The following CASTOR2 variants were observed in gnomAD, a reference collection of about 807,000 sequenced individuals.
CASTOR2 encodes cytosolic arginine sensor for mTORC1 subunit 2.
CASTOR2 carries 8 observed loss-of-function variants against 31.2 expected under a neutral mutation model. That is an observed-to-expected ratio of 0.26 (90% CI 0.15 to 0.46). The LOEUF (loss-of-function observed/expected upper bound fraction) is 0.46, where lower values mean the gene tolerates loss of function less well. Among genes scored for constraint, CASTOR2 ranks in the 20% least tolerant of loss-of-function variants. The pLI is 0.99. For synonymous variants in CASTOR2, 162 were observed against 158.7 expected, an observed-to-expected ratio of 1.02 and a Z score of -0.16; for missense variants, 216 against 382.1, an observed-to-expected ratio of 0.57 and a Z score of 3.62.
chr7:75,024,879 C>T lies in CASTOR2; in HGVS notation c.*180C>T, dbSNP rs1805085347. On this transcript the variant is annotated 3_prime_UTR_variant, in exon 9 of 9. Transcript: ENST00000616305. Reference sequence around the variant, plus strand: ...GGCAGGGGCCCACGCCAAGGCCTCTCCATGCCCTCCTGCCTTCCCGGAGCC... The same window carrying T: ...GGCAGGGGCCCACGCCAAGGCCTCTTCATGCCCTCCTGCCTTCCCGGAGCC... 3.5e-6 allele frequency: 5 copies of T among 1,448,248 alleles called. No individual in the cohort carries two copies. The highest frequency in any genetic ancestry group is 1.4e-5 in the African/African-American group (1 of 70,750). The allele number at this position is 1,448,248 out of a possible 1,614,324, so 89.7% of individuals were successfully genotyped here.
At chr7:74,990,106 G>A (rs1388059447) in intron 1 of CASTOR2, among the ~76,000 whole-genome samples, 1 of 152,096 alleles carries the variant, frequency 6.6e-6, no homozygotes, top group South Asian at 2.1e-4. Context: ...ACATGTTTTG[G>A]TGCCGGGTGC....
At position 75,024,466 on chromosome 7, in the gene CASTOR2, T is replaced by G; in HGVS notation, c.856T>G (p.Ser286Ala). The G allele has an allele frequency of 1.3e-6, 2 of 1,551,518 alleles. No homozygotes were observed. The highest frequency in any genetic ancestry group is 1.7e-6 in the Non-Finnish European group (2 of 1,146,834). Residue 286 changes from serine to alanine, a missense_variant, in exon 8 of 9, where the codon TCA (serine) becomes GCA (alanine). Physicochemically the swap from Ser to Ala is moderately conservative, Grantham distance 99. Transcript: ENST00000616305. ...TGAGTGTGGCATCGTGGCCCAGATC[T>G]CAGAGCCCTTGGCTGCTGCAGACAT... ...FDECGIVAQI[S>A]EPLAAADIPA...
rs1437823854 is a variant in CASTOR2 at position 75,018,868 on chromosome 7, G to T, written c.512-104G>T. 23 of 1,532,124 alleles carry T rather than the reference G, an allele frequency of 1.5e-5. No homozygotes were observed. In the African/African-American group the frequency reaches 2.8e-4, roughly 18 times the overall value. 94.9% of individuals were successfully genotyped at this position (1,532,124 alleles called of 1,614,324 possible). A position where few individuals can be genotyped will look rare whatever the true frequency, so the allele number is the denominator to read the frequency against. ...AGCAGCGGTGAATGAGTCTCTTGGG[G>T]CCTGCAGCTGAGCCCTCCCCAGCCC... is the stretch of plus-strand genomic sequence containing the variant. On this transcript the variant is annotated intron_variant, in intron 4 of 8. Transcript: ENST00000616305.
Position 75,026,360 on chromosome 7 carries a change from T to C in CASTOR2, c.*1661T>C, listed in dbSNP as rs1288498531. Among the ~76,000 whole-genome samples the C allele has an allele frequency of 6.6e-6, 1 of 151,986 alleles. No homozygotes were observed. Among genetic ancestry groups the C allele is most frequent in the East Asian group, 1.9e-4 (1 of 5,164 alleles). Reference sequence around the variant, plus strand: ...ACGCACCACCACGTCTGGCTAGTTATTGTATTTTTTAATAGAGACGGGATT... The same window carrying C: ...ACGCACCACCACGTCTGGCTAGTTACTGTATTTTTTAATAGAGACGGGATT... On this transcript the variant is annotated 3_prime_UTR_variant, in exon 9 of 9. Coordinates refer to ENST00000616305, the MANE Select transcript of CASTOR2 (RefSeq NM_001145064.3).
Position 75,024,660 on chromosome 7 carries a change from C to A in CASTOR2, c.951C>A (p.Val317=). The change falls in exon 9 of 9, where the codon GTC becomes GTA. Residue 317 remains valine (V), a synonymous_variant. Coordinates refer to ENST00000616305, the MANE Select transcript of CASTOR2 (RefSeq NM_001145064.3). ...TCCCCGAAGAGAACATCAATGGTGT[C>A]ATCAGTGCCCTGAAGGTCAGCCAAG... ...ALVPEENING[V]ISALKVSQAE... The A allele has an allele frequency of 6.4e-7, 1 of 1,551,646 alleles. No individual in the cohort carries two copies. The highest frequency in any genetic ancestry group is 8.7e-7 in the Non-Finnish European group (1 of 1,146,862).
At chr7:75,018,863 T>C in intron 4 of CASTOR2, 109 bp from the exon 5 acceptor site, 1 of 1,524,742 alleles carries the variant, frequency 6.6e-7, no homozygotes, top group Middle Eastern at 1.9e-4. Flanking sequence ...AATGAGTCTC[T>C]TGGGGCCTGC....
At chr7:75,016,401 T>G (rs1804864480) in intron 2 of CASTOR2, among the ~76,000 whole-genome samples, 1 of 152,166 alleles carries the variant, frequency 6.6e-6, no homozygotes, top group African/African-American at 2.4e-5. Context: ...CCAAAGCCAA[T>G]GCCAGCCCCT....
chr7:75,026,189 G>GTTTTTTTTTTTTTTTTTTTT lies in CASTOR2; in HGVS notation c.*1507_*1508insTTTTTTTTTTTTTTTTTTTT, dbSNP rs879121750. Among the ~76,000 whole-genome samples, 303 of 117,672 alleles carry GTTTTTTTTTTTTTTTTTTTT rather than the reference G, an allele frequency of 2.6e-3. 13 individuals are homozygous for GTTTTTTTTTTTTTTTTTTTT. The highest frequency in any genetic ancestry group is 5.6e-3 in the African/African-American group (172 of 30,782). The allele number at this position is 117,672 out of a possible 152,430, so 77.2% of individuals were successfully genotyped here. A position where few individuals can be genotyped will look rare whatever the true frequency, so the allele number is the denominator to read the frequency against. On this transcript the variant is annotated 3_prime_UTR_variant, in exon 9 of 9. Coordinates refer to ENST00000616305, the MANE Select transcript of CASTOR2 (RefSeq NM_001145064.3). Reference sequence around the variant, plus strand: ...CCCTGTGGTTTTGGCTCTGGCGGGGGTTTTTTTTTTTTTTTTTGAGATGGG... The same window carrying GTTTTTTTTTTTTTTTTTTTT: ...CCCTGTGGTTTTGGCTCTGGCGGGGGTTTTTTTTTTTTTTTTTTTTTTTTTTTTTTTTTTTTTGAGATGGG...
At position 75,007,990 on chromosome 7, in the gene CASTOR2, C is replaced by G; in HGVS notation, c.114-4C>G. On this transcript the variant is annotated splice_polypyrimidine_tract_variant and splice_region_variant and intron_variant, in intron 1 of 8. Coordinates refer to ENST00000616305, the MANE Select transcript of CASTOR2 (RefSeq NM_001145064.3). Reference sequence around the variant, plus strand: ...AGATATTCTGTGTCTGTCCATCCATCCAGGTGCAAGTTCTTCAGTCTGACT... The same window carrying G: ...AGATATTCTGTGTCTGTCCATCCATGCAGGTGCAAGTTCTTCAGTCTGACT... 1 of 1,613,926 alleles carries G rather than the reference C, an allele frequency of 6.2e-7. No individual in the cohort carries two copies. Among genetic ancestry groups the G allele is most frequent in the Non-Finnish European group, 8.5e-7 (1 of 1,179,854 alleles).
rs1205929204 is a variant in CASTOR2 at position 74,988,688 on chromosome 7, T to C, written c.114-19306T>C. ...ACGTACTTATTGATCCTGCTTTTAC[T>C]TTATGTTTGTTTATCATTTGAATAA... On this transcript the variant is annotated intron_variant, in intron 1 of 8. Coordinates refer to ENST00000616305, the MANE Select transcript of CASTOR2 (RefSeq NM_001145064.3). Among the ~76,000 whole-genome samples, 350 of 152,238 alleles carry C rather than the reference T, an allele frequency of 2.3e-3. 1 individual carries two copies. Among genetic ancestry groups the C allele is most frequent in the Middle Eastern group, 0.014 (4 of 294 alleles).
At chr7:75,000,754 G>A (rs1180027598) in intron 1 of CASTOR2, among the ~76,000 whole-genome samples, 25 of 151,842 alleles carry the variant, frequency 1.6e-4, no homozygotes, top group Admixed American at 1.3e-4. Flanking sequence ...CACCTCCCCG[G>A]TTCAAGCAAT....
chr7:74,995,384 A>G (rs1804316770), intron 1 of CASTOR2, among the ~76,000 whole-genome samples: 1 of 151,694 alleles, frequency 6.6e-6, no homozygotes, highest in Non-Finnish European at 1.5e-5. Flanking sequence ...GGTCGGGCAC[A>G]GTGGCTGACA....
chr7:74,997,940 C>T (rs71558565), intron 1 of CASTOR2, among the ~76,000 whole-genome samples: 100,633 of 151,908 alleles, frequency 0.66, 35,946 homozygotes, highest in East Asian at 0.93. Flanking sequence ...TGCTGATGGG[C>T]GTCTGGGCTG....
intron 1 of CASTOR2, among the ~76,000 whole-genome samples, chr7:74,988,225 G>T (rs1480185566): frequency 6.6e-6 from 1 of 150,430 alleles, no homozygotes; most frequent in Non-Finnish European, 1.5e-5. Flanking sequence ...TGCCTCCCGG[G>T]TCAAGCAATT....
intron 1 of CASTOR2, among the ~76,000 whole-genome samples, chr7:75,004,402 C>T (rs1230690090): frequency 6.6e-6 from 1 of 151,544 alleles, no homozygotes; most frequent in Non-Finnish European, 1.5e-5. Flanking sequence ...GAATGCCTTA[C>T]GCCCCTCCCA....
intron 1 of CASTOR2, among the ~76,000 whole-genome samples, chr7:74,997,955 C>G (rs1445757797): frequency 6.6e-6 from 1 of 151,980 alleles, no homozygotes; most frequent in Non-Finnish European, 1.5e-5. Flanking sequence ...GGGCTGTGGC[C>G]AGGTTTTTGT....
In CASTOR2 at chr7:75,025,692, G is replaced by A. The variant is rs1023224494; in HGVS notation, c.*993G>A. On this transcript the variant is annotated 3_prime_UTR_variant, in exon 9 of 9. Coordinates refer to ENST00000616305, the MANE Select transcript of CASTOR2 (RefSeq NM_001145064.3). ...CATTCATGAGTACTTGACCCAGGAG[G>A]CAGCTTAACTGAGCCTTAATAGAGA... Among the ~76,000 whole-genome samples the A allele has an allele frequency of 3.9e-5, 6 of 152,258 alleles. No homozygotes were observed. Among genetic ancestry groups the A allele is most frequent in the Non-Finnish European group, 2.9e-5 (2 of 68,048 alleles).
At chr7:74,986,611 G>A (rs1804072996) in intron 1 of CASTOR2, among the ~76,000 whole-genome samples, 1 of 152,166 alleles carries the variant, frequency 6.6e-6, no homozygotes, top group African/African-American at 2.4e-5. Context: ...ACTGCCTGTG[G>A]TGCTTCTGAT....
intron 2 of CASTOR2, among the ~76,000 whole-genome samples, chr7:75,017,014 A>G (rs1228013116): frequency 3.3e-5 from 5 of 152,230 alleles, no homozygotes; most frequent in African/African-American, 1.2e-4. Context: ...TAAAAATACA[A>G]AAATTAGCTG....
Sources: gnomAD v4.1 joint callset for allele counts (sites outside exome capture counted in the v4.1 genomes callset) on GRCh38, gnomAD v4.1.1 for gene constraint, MANE v1.5 for transcripts, NCBI Gene and HGNC (gene_info 2026-07-23, HGNC 2026-07-21) for gene names.